The following SOX6 variants were observed in gnomAD, a reference collection of about 807,000 sequenced individuals.
The protein encoded by SOX6 is SRY-box transcription factor 6.
In SOX6, 11 loss-of-function variants were observed where a neutral mutation model predicts 97.8. The ratio of observed to expected loss-of-function variants is 0.11; its 90% CI spans 0.07 to 0.19. The LOEUF is 0.19. Among genes scored for constraint, SOX6 ranks in the 10% least tolerant of loss-of-function variants. The pLI, the probability that SOX6 is intolerant of heterozygous loss-of-function variation, is 1.00. For missense variants in SOX6, 810 were observed against 1,039.5 expected, an observed-to-expected ratio of 0.78 and a Z score of 3.04; for synonymous variants, 360 against 371.4, an observed-to-expected ratio of 0.97 and a Z score of 0.35.
At chr11:16,220,392 C>A (rs115042619) in intron 4 of SOX6, among the ~76,000 whole-genome samples, 7 of 151,854 alleles carry the variant, frequency 4.6e-5, no homozygotes, top group African/African-American at 1.7e-4. Context: ...TGTTACAAGA[C>A]GGGAATGAAG....
chr11:16,451,175 T>A lies in SOX6; in HGVS notation c.-5+25140A>T, dbSNP rs574047519. Among the ~76,000 whole-genome samples, 29 of 151,450 alleles carry A rather than the reference T, an allele frequency of 1.9e-4. No homozygotes were observed. The South Asian group carries it at 5.9e-3, about 31-fold the overall frequency. On this transcript the variant is annotated intron_variant, in intron 1 of 15. Coordinates refer to the SOX6 transcript ENST00000396356. ...TGAGCCAGGGATGCAGAGGTTGCAG[T>A]GAGCCGAGATCACACCATTGCACTC...
chr11:16,341,309 A>T, intron 1 of SOX6, 57 bp from the exon 2 acceptor site: 2 of 1,595,564 alleles, frequency 1.3e-6, no homozygotes, highest in Non-Finnish European at 1.7e-6. Flanking sequence ...ACCATAAACC[A>T]ATCCTTGCAT....
intron 3 of SOX6, among the ~76,000 whole-genome samples, chr11:16,268,877 A>G (rs1361795882): frequency 6.6e-6 from 1 of 150,668 alleles, no homozygotes; most frequent in East Asian, 1.9e-4. Context: ...CTCAATTTGT[A>G]GGTTTTGTTT....
intron 4 of SOX6, among the ~76,000 whole-genome samples, chr11:16,536,456 C>T (rs151095028): frequency 0.011 from 1,716 of 152,276 alleles, 22 homozygotes; most frequent in South Asian, 0.033. Context: ...ACTGGTTGGA[C>T]AGTGGGTGCA....
chr11:16,074,155 C>T (rs1430320672), intron 9 of SOX6, among the ~76,000 whole-genome samples: 1 of 151,972 alleles, frequency 6.6e-6, no homozygotes, highest in East Asian at 1.9e-4. Context: ...AATCAACAAA[C>T]CTGGTAGTTT....
chr11:16,594,451 C>T (rs968748836), intron 4 of SOX6, among the ~76,000 whole-genome samples: 1 of 152,018 alleles, frequency 6.6e-6, no homozygotes, highest in Non-Finnish European at 1.5e-5. Context: ...AGGTTACAAT[C>T]CTTTTTTAAA....
intron 6 of SOX6, among the ~76,000 whole-genome samples, chr11:16,170,213 T>A (rs1166168364): frequency 2.0e-5 from 3 of 152,096 alleles, no homozygotes; most frequent in African/African-American, 7.2e-5. Context: ...CAGAGGCTGC[T>A]ACTCATTCTG....
At position 15,970,664 on chromosome 11, in the gene SOX6, A is replaced by G. The variant is rs1315073288; in HGVS notation, c.*2145T>C. ...AACAAAGAGTTCCTATCAGTACCTT[A>G]ATCAGCTTATAGAGAGCACTCCCAG... On this transcript the variant is annotated 3_prime_UTR_variant, in exon 16 of 16. Coordinates refer to ENST00000683767, the MANE Select transcript of SOX6 (RefSeq NM_001367873.1). The G allele has an allele frequency of 3.3e-5, 5 of 152,644 alleles. No homozygotes were observed. Among genetic ancestry groups the G allele is most frequent in the African/African-American group, 1.2e-4 (5 of 41,444 alleles). 9.5% of individuals were successfully genotyped at this position (152,644 alleles called of 1,614,324 possible).
intron 1 of SOX6, among the ~76,000 whole-genome samples, chr11:16,361,826 T>C (rs1387228895): frequency 2.0e-5 from 3 of 152,236 alleles, no homozygotes; most frequent in Non-Finnish European, 2.9e-5. Flanking sequence ...GGAAAAAATA[T>C]GTAAGATATA....
chr11:16,112,504 C>T (rs771585440), intron 6 of SOX6, among the ~76,000 whole-genome samples: 1 of 152,140 alleles, frequency 6.6e-6, no homozygotes, highest in African/African-American at 2.4e-5. Context: ...ATACACACCT[C>T]GATGTAACAT....
intron 1 of SOX6, among the ~76,000 whole-genome samples, chr11:16,354,059 G>A (rs1857016343): frequency 6.6e-6 from 1 of 151,968 alleles, no homozygotes; most frequent in South Asian, 2.1e-4. Flanking sequence ...TCTATTGCCA[G>A]AAGGAAAAGT....
chr11:16,567,019 C>G (rs1847879671), intron 4 of SOX6, among the ~76,000 whole-genome samples: 1 of 152,160 alleles, frequency 6.6e-6, no homozygotes, highest in Non-Finnish European at 1.5e-5. Flanking sequence ...GATGGGACAT[C>G]CCTAATCCAA....
chr11:16,369,920 C>T (rs964870821), intron 1 of SOX6, among the ~76,000 whole-genome samples: 8 of 152,120 alleles, frequency 5.3e-5, no homozygotes, highest in African/African-American at 1.9e-4. Flanking sequence ...GTCCATCATC[C>T]CTCCAGCAGC....
At chr11:16,320,655 G>A (rs1855892931) in intron 2 of SOX6, among the ~76,000 whole-genome samples, 1 of 152,028 alleles carries the variant, frequency 6.6e-6, no homozygotes, top group South Asian at 2.1e-4. Context: ...TGGACCTGAG[G>A]AATTATGAAG....
At chr11:16,336,500 C>T (rs1856464125) in intron 2 of SOX6, among the ~76,000 whole-genome samples, 1 of 152,176 alleles carries the variant, frequency 6.6e-6, no homozygotes, top group Non-Finnish European at 1.5e-5. Context: ...ACTGTTCACT[C>T]TTCTGCTTAT....
intron 1 of SOX6, among the ~76,000 whole-genome samples, chr11:16,395,001 C>T (rs1298103248): frequency 2.0e-5 from 3 of 151,852 alleles, no homozygotes; most frequent in Non-Finnish European, 4.4e-5. Flanking sequence ...ATCCGCACCC[C>T]AATCTTAGAG....
chr11:16,499,959 A>C (rs1412717155), intron 4 of SOX6, among the ~76,000 whole-genome samples: 1 of 152,236 alleles, frequency 6.6e-6, no homozygotes, highest in Non-Finnish European at 1.5e-5. Context: ...AACTCATTTT[A>C]TGAGGCCAGC....
At chr11:16,467,280 TTACTGGG>T (rs1435831737) in intron 1 of SOX6, among the ~76,000 whole-genome samples, 25 of 152,310 alleles carry the variant, frequency 1.6e-4, no homozygotes, top group Middle Eastern at 3.4e-3. Context: ...AGCAATCCCA[TTACTGGG>T]TATGTACCCA....
chr11:16,270,337 A>T (rs1320221336), intron 3 of SOX6, among the ~76,000 whole-genome samples: 1 of 151,442 alleles, frequency 6.6e-6, no homozygotes, highest in Non-Finnish European at 1.5e-5. Context: ...AAAAGAAAAT[A>T]AAAATGACAA....
Sources: gnomAD v4.1 joint callset for allele counts (sites outside exome capture counted in the v4.1 genomes callset) on GRCh38, gnomAD v4.1.1 for gene constraint, MANE v1.5 for transcripts, NCBI Gene and HGNC (gene_info 2026-07-23, HGNC 2026-07-21) for gene names.